PCDH7: variants seen among roughly 807,000 people sequenced by gnomAD.
The protein encoded by PCDH7 is protocadherin-7.
A neutral mutation model predicts 58.9 loss-of-function variants in PCDH7; 17 were observed. The observed-to-expected ratio is 0.29, with a 90% confidence interval of 0.20 to 0.43. PCDH7 has a LOEUF of 0.43. Among genes scored for constraint, PCDH7 ranks in the 20% least tolerant of loss-of-function variants. The pLI is 1.00. For synonymous variants in PCDH7, 664 were observed against 616.4 expected (o/e 1.08, Z -1.14); for missense variants, 1,274 against 1,441.0 (o/e 0.88, Z 1.88).
chr4:31,080,290 T>C (rs74287297), intron 3 of PCDH7, among the ~76,000 whole-genome samples: 1 of 149,036 alleles, frequency 6.7e-6, no homozygotes, highest in Non-Finnish European at 1.5e-5. Flanking sequence ...GTTTTTTTTT[T>C]AACTAGCATA....
chr4:31,077,034 G>T (rs1398976777), intron 3 of PCDH7, among the ~76,000 whole-genome samples: 12 of 151,978 alleles, frequency 7.9e-5, no homozygotes, highest in Non-Finnish European at 2.9e-5. Flanking sequence ...GAAAAAAAAA[G>T]AAAAATTGTA....
intron 1 of PCDH7, among the ~76,000 whole-genome samples, chr4:30,758,940 G>GCTTTTTTTTTTTTTTTTTTTTT (rs1553880707): frequency 8.0e-6 from 1 of 124,238 alleles, no homozygotes; most frequent in Non-Finnish European, 1.7e-5. Context: ...TTGAAGAAGT[G>GCTTTTTTTTTTTTTTTTTTTTT]TTTTTTTTTT....
At chr4:31,082,083 G>C (rs1483925845) in intron 3 of PCDH7, among the ~76,000 whole-genome samples, 1 of 152,088 alleles carries the variant, frequency 6.6e-6, no homozygotes, top group Non-Finnish European at 1.5e-5. Context: ...ACCATGCCTG[G>C]CCTTTTTAAA....
chr4:31,030,272 C>T (rs147414596), intron 3 of PCDH7, among the ~76,000 whole-genome samples: 1 of 152,226 alleles, frequency 6.6e-6, no homozygotes, highest in African/African-American at 2.4e-5. Flanking sequence ...TTCCTTGTAT[C>T]CTCAAATTGC....
At chr4:30,965,114 C>G (rs1269155579) in intron 3 of PCDH7, among the ~76,000 whole-genome samples, 2 of 152,088 alleles carry the variant, frequency 1.3e-5, no homozygotes, top group East Asian at 3.8e-4. Flanking sequence ...GGTTTATATT[C>G]TAATACGATT....
chr4:30,728,296 T>TAGAG (rs67735645), intron 1 of PCDH7, among the ~76,000 whole-genome samples: 66 of 105,456 alleles, frequency 6.3e-4, no homozygotes, highest in African/African-American at 2.3e-3. Flanking sequence ...TATATATATA[T>TAGAG]AGAGAGAGAG....
exon 2 of PCDH7, chr4:30,732,848 T>A (rs1715718009): frequency 6.6e-6 from 1 of 152,206 alleles, no homozygotes; most frequent in Admixed American, 6.5e-5. Flanking sequence ...TAGTGTACTA[T>A]TAAGCTGAAT....
intron 3 of PCDH7, among the ~76,000 whole-genome samples, chr4:30,985,790 C>T (rs551736474): frequency 5.3e-5 from 8 of 152,088 alleles, no homozygotes; most frequent in South Asian, 2.1e-4. Context: ...ATGTATGGCC[C>T]GGAGTAAACC....
rs191950806 is a variant in PCDH7 at position 31,081,801 on chromosome 4, C to T, written c.*8-60672C>T. Among the ~76,000 whole-genome samples, 24 of 147,676 alleles carry T rather than the reference C, an allele frequency of 1.6e-4. No homozygotes were observed. In the East Asian group the frequency reaches 4.6e-3, roughly 28 times the overall value. On this transcript the variant is annotated intron_variant, in intron 3 of 3. Transcript: ENST00000509759. ...TTTTTTTTTTTTTCTGAGATACAGT[C>T]TCACTCTGTCACCCATGCTGGAGTG...
intron 3 of PCDH7, among the ~76,000 whole-genome samples, chr4:31,084,798 G>A (rs1286895811): frequency 3.5e-5 from 5 of 144,818 alleles, no homozygotes; most frequent in African/African-American, 5.1e-5. Flanking sequence ...GGGGAGGGGA[G>A]GAGACTAGAG....
At chr4:31,029,478 A>G (rs1405961341) in intron 3 of PCDH7, among the ~76,000 whole-genome samples, 1 of 152,128 alleles carries the variant, frequency 6.6e-6, no homozygotes, top group Non-Finnish European at 1.5e-5. Flanking sequence ...AAAACCAGAT[A>G]TTTGCAGGCA....
At chr4:30,822,167 A>T (rs535261381) in intron 1 of PCDH7, among the ~76,000 whole-genome samples, 1 of 152,268 alleles carries the variant, frequency 6.6e-6, no homozygotes, top group South Asian at 2.1e-4. Context: ...TAGTGAGGTC[A>T]TGAGAGTGCC....
chr4:30,746,715 C>A (rs778484007), intron 1 of PCDH7, among the ~76,000 whole-genome samples: 1 of 152,146 alleles, frequency 6.6e-6, no homozygotes, highest in Non-Finnish European at 1.5e-5. Context: ...GTTAACATTA[C>A]TAATGACAAA....
chr4:30,788,398 CTT>C (rs1219098156), intron 1 of PCDH7, among the ~76,000 whole-genome samples: 1 of 151,900 alleles, frequency 6.6e-6, no homozygotes, highest in African/African-American at 2.4e-5. Context: ...ATTTTTACCT[CTT>C]CTTTCTATGT....
intron 3 of PCDH7, among the ~76,000 whole-genome samples, chr4:30,986,967 G>A (rs1283020486): frequency 6.7e-6 from 1 of 148,598 alleles, no homozygotes; most frequent in Non-Finnish European, 1.5e-5. Context: ...ACGACAGAGC[G>A]AGATTCCGTC....
At chr4:30,941,587 A>G (rs4293757) in intron 2 of PCDH7, among the ~76,000 whole-genome samples, 38,671 of 151,786 alleles carry the variant, frequency 0.25, 5,177 homozygotes, top group African/African-American at 0.34. Flanking sequence ...AGAAATTTCA[A>G]AGAAGAACCT....
At chr4:30,973,790 T>G in intron 3 of PCDH7, among the ~76,000 whole-genome samples, 1 of 151,950 alleles carries the variant, frequency 6.6e-6, no homozygotes, top group Non-Finnish European at 1.5e-5. Flanking sequence ...TCTATTGTAA[T>G]CTATCTCCAT....
At chr4:30,730,678 G>T in intron 1 of PCDH7, 6 of 1,054,526 alleles carry the variant, frequency 5.7e-6, no homozygotes, top group South Asian at 3.1e-5. Flanking sequence ...CTTTCCAATT[G>T]GGCATAAGAC....
intron 1 of PCDH7, among the ~76,000 whole-genome samples, chr4:30,893,762 C>T (rs910082058): frequency 6.6e-6 from 1 of 152,090 alleles, no homozygotes; most frequent in African/African-American, 2.4e-5. Flanking sequence ...ATTTACTTCA[C>T]TAATTGTTCC....
Sources: gnomAD v4.1 joint callset for allele counts (sites outside exome capture counted in the v4.1 genomes callset) on GRCh38, gnomAD v4.1.1 for gene constraint, MANE v1.5 for transcripts, NCBI Gene and HGNC (gene_info 2026-07-23, HGNC 2026-07-21) for gene names.